Variants in FAM168A observed in about 807,000 individuals in gnomAD.
FAM168A encodes the protein family with sequence similarity 168 member A, also known as protein FAM168A.
Under a neutral mutation model 28.5 loss-of-function variants are expected in FAM168A, and 3 were observed. The ratio of observed to expected loss-of-function variants is 0.11; its 90% CI spans 0.05 to 0.27. FAM168A has a LOEUF of 0.27. Among genes scored for constraint, FAM168A ranks in the 10% least tolerant of loss-of-function variants. The probability of loss-of-function intolerance (pLI) is 1.00; values close to 1 mark genes in which losing one functional copy is unlikely to be tolerated. For missense variants in FAM168A, 222 were observed against 311.5 expected, an observed-to-expected ratio of 0.71 and a Z score of 2.16; for synonymous variants, 122 against 124.2, an observed-to-expected ratio of 0.98 and a Z score of 0.12.
At chr11:73,520,889 GA>G (rs1943366526) in intron 1 of FAM168A, among the ~76,000 whole-genome samples, 1 of 149,994 alleles carries the variant, frequency 6.7e-6, no homozygotes, top group Non-Finnish European at 1.5e-5. Flanking sequence ...ATCCCCCAAA[GA>G]AAATGGAAAT....
At chr11:73,582,350 T>A (rs913709910) in intron 1 of FAM168A, among the ~76,000 whole-genome samples, 1 of 151,698 alleles carries the variant, frequency 6.6e-6, no homozygotes, top group Admixed American at 6.6e-5. Flanking sequence ...TGAAACCCCA[T>A]CTCTACTAAA....
At chr11:73,441,301 C>T (rs1867190958) in intron 2 of FAM168A, among the ~76,000 whole-genome samples, 1 of 152,160 alleles carries the variant, frequency 6.6e-6, no homozygotes, top group African/African-American at 2.4e-5. Context: ...TTGTGATCCG[C>T]CCACCTCAGC....
At chr11:73,509,020 A>G (rs1855168684) in intron 1 of FAM168A, among the ~76,000 whole-genome samples, 1 of 152,170 alleles carries the variant, frequency 6.6e-6, no homozygotes, top group Non-Finnish European at 1.5e-5. Flanking sequence ...GCCTTCCGCC[A>G]TGACTGTGAG....
At chr11:73,568,013 C>G (rs1039932316) in intron 1 of FAM168A, among the ~76,000 whole-genome samples, 1 of 152,210 alleles carries the variant, frequency 6.6e-6, no homozygotes, top group African/African-American at 2.4e-5. Context: ...ACTCTAACTA[C>G]TCACCTTTCA....
At chr11:73,548,293 T>C (rs994326376) in intron 1 of FAM168A, among the ~76,000 whole-genome samples, 2 of 151,854 alleles carry the variant, frequency 1.3e-5, no homozygotes, top group Non-Finnish European at 2.9e-5. Flanking sequence ...TACATGGTAG[T>C]ATGAAATAGG....
chr11:73,445,419 C>CTTTTTTTTTTTT lies in FAM168A; in HGVS notation c.71-14661_71-14650dup, dbSNP rs56294455. ...CCAGTAGATATATGTAAAAATGTCT[C>CTTTTTTTTTTTT]TTTTTTTTTTTTTTTTTTTTTTTTT... On this transcript the variant is annotated intron_variant, in intron 2 of 7. Transcript: ENST00000356467. Among the ~76,000 whole-genome samples, 325 of 50,476 alleles carry CTTTTTTTTTTTT rather than the reference C, an allele frequency of 6.4e-3. 35 individuals carry two copies. The highest frequency in any genetic ancestry group is 9.5e-3 in the Non-Finnish European group (260 of 27,328). 33.1% of individuals were successfully genotyped at this position (50,476 alleles called of 152,430 possible).
At chr11:73,515,250 C>T (rs1458490945) in intron 1 of FAM168A, among the ~76,000 whole-genome samples, 1 of 152,170 alleles carries the variant, frequency 6.6e-6, no homozygotes, top group South Asian at 2.1e-4. Context: ...TGGCTCACGC[C>T]TGTAAGCCCA....
At chr11:73,422,510 A>G (rs1274691414) in intron 3 of FAM168A, among the ~76,000 whole-genome samples, 1 of 152,168 alleles carries the variant, frequency 6.6e-6, no homozygotes, top group African/African-American at 2.4e-5. Context: ...TAACGATTCT[A>G]AAGTCACCCA....
chr11:73,564,277 G>A (rs941361307), intron 1 of FAM168A, among the ~76,000 whole-genome samples: 9 of 152,152 alleles, frequency 5.9e-5, no homozygotes, highest in African/African-American at 1.9e-4. Flanking sequence ...CAAAGCAGGG[G>A]GGAGGTGTGG....
chr11:73,470,304 A>G (rs1169130829), intron 1 of FAM168A, among the ~76,000 whole-genome samples: 1 of 152,220 alleles, frequency 6.6e-6, no homozygotes, highest in Non-Finnish European at 1.5e-5. Context: ...CAACAACAAC[A>G]CAGAGACTAC....
intron 1 of FAM168A, among the ~76,000 whole-genome samples, chr11:73,553,568 T>C (rs1943853082): frequency 6.6e-6 from 1 of 152,220 alleles, no homozygotes; most frequent in South Asian, 2.1e-4. Flanking sequence ...CGTCTACTCC[T>C]GTAAAGAGCA....
intron 1 of FAM168A, among the ~76,000 whole-genome samples, chr11:73,551,327 T>C (rs1208256474): frequency 1.3e-5 from 2 of 152,126 alleles, no homozygotes; most frequent in Non-Finnish European, 2.9e-5. Flanking sequence ...AGACAGTAGG[T>C]AGGGAGACCA....
chr11:73,441,304 A>G (rs760527881), intron 2 of FAM168A, among the ~76,000 whole-genome samples: 1 of 151,942 alleles, frequency 6.6e-6, no homozygotes, highest in Admixed American at 6.6e-5. Context: ...TGATCCGCCC[A>G]CCTCAGCCTC....
At chr11:73,481,773 T>C (rs1867970512) in intron 1 of FAM168A, among the ~76,000 whole-genome samples, 1 of 152,214 alleles carries the variant, frequency 6.6e-6, no homozygotes, top group South Asian at 2.1e-4. Flanking sequence ...GCATCTGCTA[T>C]GGTCTAAATA....
chr11:73,515,508 C>CAAAA (rs61655633), intron 1 of FAM168A, among the ~76,000 whole-genome samples: 1 of 66,510 alleles, frequency 1.5e-5, no homozygotes, highest in Non-Finnish European at 3.8e-5. Flanking sequence ...AACTCTGTCT[C>CAAAA]AAAAAAAAAA....
chr11:73,414,348 C>T (rs1455976471), intron 4 of FAM168A, among the ~76,000 whole-genome samples: 1 of 152,140 alleles, frequency 6.6e-6, no homozygotes, highest in Admixed American at 6.5e-5. Context: ...AAATATTTGG[C>T]CCTTTACAGG....
At chr11:73,579,832 T>C (rs961608124) in intron 1 of FAM168A, among the ~76,000 whole-genome samples, 2 of 152,208 alleles carry the variant, frequency 1.3e-5, no homozygotes, top group African/African-American at 4.8e-5. Flanking sequence ...GCATAAGTCT[T>C]CTGACAAGAA....
chr11:73,484,241 CTTTA>C (rs1590808445), intron 1 of FAM168A, among the ~76,000 whole-genome samples: 1 of 151,988 alleles, frequency 6.6e-6, no homozygotes, highest in Admixed American at 6.6e-5. Flanking sequence ...TTCACAGTAA[CTTTA>C]TTTATTATCC....
chr11:73,480,984 T>G (rs1467737590), intron 1 of FAM168A, among the ~76,000 whole-genome samples: 1 of 152,246 alleles, frequency 6.6e-6, no homozygotes, highest in East Asian at 1.9e-4. Context: ...TCTGAGTCTT[T>G]ACACATGCTG....
Sources: allele counts gnomAD v4.1 joint callset (sites outside exome capture counted in the v4.1 genomes callset), GRCh38; gene constraint gnomAD v4.1.1; transcripts MANE v1.5; gene names NCBI Gene and HGNC (gene_info 2026-07-23, HGNC 2026-07-21).